The following SASH1 variants were observed in gnomAD, a reference collection of about 807,000 sequenced individuals.
The protein encoded by SASH1 is SAM and SH3 domain containing 1.
In SASH1, 44 loss-of-function variants were observed where a neutral mutation model predicts 125.2. The ratio of observed to expected loss-of-function variants is 0.35; its 90% confidence interval spans 0.28 to 0.45. The LOEUF is 0.45. Ranked by LOEUF, SASH1 falls within the 20% of genes least tolerant of loss-of-function variation. SASH1 has a pLI of 1.00. For missense variants in SASH1, 1,426 were observed against 1,614.5 expected (o/e 0.88, Z 2.00); for synonymous variants, 639 against 649.1 (o/e 0.98, Z 0.24).
chr6:148,507,961 T>C (rs1034341450), intron 8 of SASH1, among the ~76,000 whole-genome samples: 2 of 152,208 alleles, frequency 1.3e-5, no homozygotes, highest in Non-Finnish European at 2.9e-5. Context: ...AGTCCTGTGT[T>C]GTTTAGATGA....
intron 1 of SASH1, among the ~76,000 whole-genome samples, chr6:148,358,736 T>TG (rs1168384082): frequency 7.0e-6 from 1 of 143,208 alleles, no homozygotes; most frequent in African/African-American, 2.6e-5. Flanking sequence ...TGTTTTTGTT[T>TG]TTTTTTTTTT....
At chr6:148,548,210 C>CA (rs1247425699) in intron 19 of SASH1, 85 bp from the exon 20 acceptor site, 3 of 1,236,710 alleles carry the variant, frequency 2.4e-6, no homozygotes, top group Non-Finnish European at 3.4e-6. Context: ...TGCAGTATTT[C>CA]AGTGCTGTTC....
chr6:148,524,053 G>A (rs1780976033), intron 10 of SASH1, among the ~76,000 whole-genome samples: 1 of 148,018 alleles, frequency 6.8e-6, no homozygotes, highest in African/African-American at 2.5e-5. Flanking sequence ...CAAAAATGTA[G>A]GCATTTTCCT....
At chr6:148,261,936 A>T in the SASH1 span, among the ~76,000 whole-genome samples, 1 of 152,196 alleles carries the variant, frequency 6.6e-6, no homozygotes, top group Non-Finnish European at 1.5e-5. Flanking sequence ...TCTTTCTGTC[A>T]TCTTTGGTTA....
chr6:148,331,496 A>T (rs944344978), intron 1 of SASH1, among the ~76,000 whole-genome samples: 1 of 151,818 alleles, frequency 6.6e-6, no homozygotes, highest in Admixed American at 6.6e-5. Flanking sequence ...TGCCCCGCTA[A>T]GTTTTTGTAT....
At chr6:148,228,504 T>C in the SASH1 span, among the ~76,000 whole-genome samples, 271 of 152,260 alleles carry the variant, frequency 1.8e-3, 1 homozygote, top group African/African-American at 6.2e-3. Flanking sequence ...GCAAATTCAA[T>C]AGAAGATAGA....
chr6:148,509,012 C>A, intron 8 of SASH1: 1 of 478,642 alleles, frequency 2.1e-6, no homozygotes, highest in South Asian at 1.6e-5. Flanking sequence ...TCCTTCTTCG[C>A]CTGTTTACTT....
the SASH1 span, among the ~76,000 whole-genome samples, chr6:148,262,392 T>C: frequency 1.2e-3 from 190 of 152,196 alleles, no homozygotes; most frequent in Admixed American, 3.1e-3. Context: ...GGACCTCTCA[T>C]TGAGGACACA....
At chr6:148,356,223 T>C (rs1781931427) in intron 1 of SASH1, among the ~76,000 whole-genome samples, 1 of 152,092 alleles carries the variant, frequency 6.6e-6, no homozygotes, top group African/African-American at 2.4e-5. Context: ...TAGCTGGGAT[T>C]ACAGGCACAC....
chr6:148,521,841 G>T (rs1374252840), intron 10 of SASH1, among the ~76,000 whole-genome samples: 1 of 152,150 alleles, frequency 6.6e-6, no homozygotes, highest in Non-Finnish European at 1.5e-5. Flanking sequence ...TAGAACAGAC[G>T]CACTTCTTCT....
upstream of SASH1, among the ~76,000 whole-genome samples, chr6:148,342,041 C>A (rs546981789): frequency 1.3e-5 from 2 of 152,194 alleles, no homozygotes; most frequent in Non-Finnish European, 2.9e-5. Flanking sequence ...ACTGGCTACA[C>A]AATCATTTGA....
At chr6:148,347,606 T>C (rs563352949) in intron 1 of SASH1, among the ~76,000 whole-genome samples, 1 of 152,382 alleles carries the variant, frequency 6.6e-6, no homozygotes, top group African/African-American at 2.4e-5. Context: ...TTTAAAATGC[T>C]AACTCCTTTG....
At chr6:148,513,226 T>G (rs760860045) in intron 8 of SASH1, 1 of 985,318 alleles carries the variant, frequency 1.0e-6, no homozygotes, top group Non-Finnish European at 1.2e-6. Context: ...TTTTGTTTTG[T>G]GTGTTCATTT....
At position 148,519,844 on chromosome 6, in the gene SASH1, C is replaced by T. The variant is rs116958992; in HGVS notation, c.1160C>T (p.Ser387Phe). 0.01 allele frequency: 16,125 copies of T among 1,607,002 alleles called. 99 individuals carry two copies. The highest frequency in any genetic ancestry group is 0.012 in the Non-Finnish European group (13,910 of 1,177,124). ...GAAAAGGCCCAGAAAGTGTCCCGCTCCCTCACCGAGGGGGAGATGAAGAAG... is the reference window on the plus strand; with the variant it reads ...GAAAAGGCCCAGAAAGTGTCCCGCTTCCTCACCGAGGGGGAGATGAAGAAG... ...EEEKAQKVSR[S>F]LTEGEMKKGL... The change falls in exon 10 of 20, where the codon TCC becomes TTC. Residue 387 changes from serine to phenylalanine, a missense_variant. By Grantham distance (155) the Ser-to-Phe change is radical. Coordinates refer to ENST00000367467, the MANE Select transcript of SASH1 (RefSeq NM_015278.5). This position sits in a 1 kb window ranked among gnomAD's most constrained non-coding sequence, Gnocchi z 4.8.
intron 2 of SASH1, among the ~76,000 whole-genome samples, chr6:148,396,282 T>C (rs1783943355): frequency 1.3e-5 from 2 of 151,754 alleles, no homozygotes; most frequent in South Asian, 4.2e-4. Context: ...AGTTCAAGAC[T>C]AGCCTGGCTA....
chr6:148,426,007 G>A (rs1409232078), intron 2 of SASH1, among the ~76,000 whole-genome samples: 4 of 152,098 alleles, frequency 2.6e-5, no homozygotes, highest in East Asian at 3.9e-4. Flanking sequence ...TCAGGAGTTC[G>A]AGACTAGCCT....
chr6:148,369,332 G>A (rs1782617148), intron 1 of SASH1, among the ~76,000 whole-genome samples: 1 of 152,190 alleles, frequency 6.6e-6, no homozygotes, highest in South Asian at 2.1e-4. Flanking sequence ...TTCACATGTT[G>A]AAACTGTTTC....
chr6:148,214,789 A>G, the SASH1 span, among the ~76,000 whole-genome samples: 33 of 152,284 alleles, frequency 2.2e-4, no homozygotes, highest in African/African-American at 7.0e-4. Context: ...TTTGCATGAC[A>G]TGAGATTTCA....
rs57899343 is a variant in SASH1, at chr6:148,462,301, C to CT, written c.387-6232dup. On this transcript the variant is annotated intron_variant, in intron 4 of 19. Transcript: ENST00000367467. ...CTTTCCTTTCTTTTTCTTTTCTTTT[C>CT]TTTTTTTTTTTTCTTGGTTATAATG... is the stretch of plus-strand genomic sequence containing the variant. Among the ~76,000 whole-genome samples, 1,328 of 144,662 alleles carry CT rather than the reference C, an allele frequency of 9.2e-3. 10 individuals are homozygous for CT. Among genetic ancestry groups the CT allele is most frequent in the African/African-American group, 0.028 (1,129 of 39,618 alleles). The allele number at this position is 144,662 out of a possible 152,430, so 94.9% of individuals were successfully genotyped here.
Sources: allele counts gnomAD v4.1 joint callset (sites outside exome capture counted in the v4.1 genomes callset), GRCh38; gene constraint gnomAD v4.1.1; non-coding constraint Gnocchi (gnomAD v3.1); transcripts MANE v1.5; gene names NCBI Gene and HGNC (gene_info 2026-07-23, HGNC 2026-07-21).